Variants in OPCML observed in about 807,000 individuals in gnomAD.
The protein encoded by OPCML is opioid-binding protein/cell adhesion molecule.
A neutral mutation model predicts 37.8 loss-of-function variants in OPCML; 13 were observed. That is an observed-to-expected ratio of 0.34 (90% CI 0.22 to 0.55). The LOEUF is 0.55. Ranked by LOEUF, OPCML falls within the 20% of genes least tolerant of loss-of-function variation. The pLI is 0.91. For missense variants in OPCML, 341 were observed against 435.6 expected, an observed-to-expected ratio of 0.78 and a Z score of 1.93; for synonymous variants, 176 against 168.8, an observed-to-expected ratio of 1.04 and a Z score of -0.33.
At chr11:133,147,769 G>A (rs1949918231) in intron 1 of OPCML, among the ~76,000 whole-genome samples, 1 of 152,108 alleles carries the variant, frequency 6.6e-6, no homozygotes, top group Admixed American at 6.5e-5. Context: ...AACTGCAAAT[G>A]ATAGAATCCC....
At chr11:132,858,614 A>G (rs534947202) in intron 2 of OPCML, among the ~76,000 whole-genome samples, 1 of 152,300 alleles carries the variant, frequency 6.6e-6, no homozygotes, top group African/African-American at 2.4e-5. Context: ...ACTTTGGCTC[A>G]GGTATCAGAA....
chr11:132,728,234 G>C (rs1260331591), intron 2 of OPCML, among the ~76,000 whole-genome samples: 5 of 152,312 alleles, frequency 3.3e-5, no homozygotes, highest in Admixed American at 2.6e-4. Flanking sequence ...CAGAAAGGGA[G>C]TTGCGAATTA....
chr11:133,429,691 A>G (rs1946078330), intron 1 of OPCML, among the ~76,000 whole-genome samples: 1 of 152,198 alleles, frequency 6.6e-6, no homozygotes, highest in Admixed American at 6.5e-5. Flanking sequence ...GAGAAGGGTC[A>G]AGAGTGACTC....
intron 4 of OPCML, among the ~76,000 whole-genome samples, chr11:132,461,046 A>G (rs961107150): frequency 6.6e-6 from 1 of 152,164 alleles, no homozygotes; most frequent in Non-Finnish European, 1.5e-5. Flanking sequence ...TTAATGATGT[A>G]CCTGAGGATA....
intron 1 of OPCML, among the ~76,000 whole-genome samples, chr11:133,158,909 C>T (rs1039074717): frequency 6.6e-6 from 1 of 152,188 alleles, no homozygotes; most frequent in Admixed American, 6.5e-5. Context: ...ATGTGGTCAA[C>T]AGCCTATCTC....
At chr11:133,278,133 G>A (rs1249314142) in intron 1 of OPCML, among the ~76,000 whole-genome samples, 1 of 152,102 alleles carries the variant, frequency 6.6e-6, no homozygotes, top group Admixed American at 6.6e-5. Context: ...CCACCATGAC[G>A]GGCTCTTTTA....
At chr11:133,190,404 GCT>G (rs1202449497) in intron 1 of OPCML, among the ~76,000 whole-genome samples, 2 of 152,162 alleles carry the variant, frequency 1.3e-5, no homozygotes, top group Admixed American at 1.3e-4. Flanking sequence ...AATTCCTGTT[GCT>G]CTCTTTCCCT....
chr11:132,698,169 G>A (rs928827480), intron 2 of OPCML, among the ~76,000 whole-genome samples: 47 of 152,054 alleles, frequency 3.1e-4, no homozygotes, highest in African/African-American at 1.1e-3. Flanking sequence ...CCAGAAGTAA[G>A]ATTGCTGGAT....
chr11:133,058,883 A>G (rs1241405528), intron 1 of OPCML, among the ~76,000 whole-genome samples: 1 of 152,238 alleles, frequency 6.6e-6, no homozygotes, highest in Non-Finnish European at 1.5e-5. Context: ...TGAAGCCTGA[A>G]GTGTGAAGAT....
intron 1 of OPCML, among the ~76,000 whole-genome samples, chr11:133,237,486 T>C (rs1043885747): frequency 2.0e-5 from 3 of 152,178 alleles, no homozygotes; most frequent in Admixed American, 1.3e-4. Flanking sequence ...GGGAAACAAC[T>C]TTCTAGATGG....
chr11:132,575,635 G>A (rs1370129274), intron 3 of OPCML, among the ~76,000 whole-genome samples: 2 of 151,578 alleles, frequency 1.3e-5, no homozygotes, highest in African/African-American at 4.8e-5. Context: ...TATCTTTTAA[G>A]TTTTATTTTT....
intron 2 of OPCML, among the ~76,000 whole-genome samples, chr11:132,830,547 C>T (rs192201694): frequency 2.6e-5 from 4 of 152,294 alleles, no homozygotes; most frequent in Non-Finnish European, 2.9e-5. Context: ...TTATCATCAA[C>T]CTCTTTCTAC....
chr11:132,780,695 G>A (rs986306092), intron 2 of OPCML, among the ~76,000 whole-genome samples: 6 of 152,174 alleles, frequency 3.9e-5, no homozygotes, highest in African/African-American at 1.2e-4. Context: ...TAAAAGGGTG[G>A]CCGTGAGTGT....
chr11:132,486,018 A>G (rs1393696078), intron 4 of OPCML, among the ~76,000 whole-genome samples: 2 of 152,336 alleles, frequency 1.3e-5, no homozygotes, highest in Admixed American at 6.5e-5. Flanking sequence ...TTATCAACTT[A>G]CAGGAGTTCC....
intron 7 of OPCML, among the ~76,000 whole-genome samples, chr11:132,426,741 G>T (rs1459392974): frequency 6.6e-6 from 1 of 152,144 alleles, no homozygotes; most frequent in East Asian, 1.9e-4. Context: ...CTAAACATTA[G>T]ATTTTTTAGA....
chr11:133,416,860 G>A (rs186003599), intron 1 of OPCML, among the ~76,000 whole-genome samples: 104 of 152,254 alleles, frequency 6.8e-4, no homozygotes, highest in African/African-American at 2.5e-3. Flanking sequence ...CCCTAAGATA[G>A]CCTTAAAATG....
chr11:133,038,454 G>A (rs1176072869), intron 1 of OPCML, among the ~76,000 whole-genome samples: 5 of 152,190 alleles, frequency 3.3e-5, no homozygotes, highest in African/African-American at 4.8e-5. Context: ...ACTATCAGGA[G>A]ACCATGGTAA....
chr11:133,469,626 G>A (rs1947059465), intron 1 of OPCML, among the ~76,000 whole-genome samples: 1 of 152,148 alleles, frequency 6.6e-6, no homozygotes, highest in African/African-American at 2.4e-5. Context: ...AGGCCTTGAG[G>A]AGTTCTCATT....
chr11:133,118,417 A>T (rs1246247191), intron 1 of OPCML: 1 of 985,312 alleles, frequency 1.0e-6, no homozygotes, highest in Non-Finnish European at 1.2e-6. Flanking sequence ...CCTTCCTTTC[A>T]TGGAGTTTAC....
Sources: gnomAD v4.1 joint callset for allele counts (sites outside exome capture counted in the v4.1 genomes callset) on GRCh38, gnomAD v4.1.1 for gene constraint, MANE v1.5 for transcripts, NCBI Gene and HGNC (gene_info 2026-07-23, HGNC 2026-07-21) for gene names.